The following IL1RAPL2 variants were observed in gnomAD, a reference collection of about 807,000 sequenced individuals.
IL1RAPL2 encodes the protein X-linked interleukin-1 receptor accessory protein-like 2.
A neutral mutation model predicts 44.1 loss-of-function variants in IL1RAPL2; 3 were observed. The observed-to-expected ratio is 0.07, with a 90% CI of 0.03 to 0.18. The LOEUF (loss-of-function observed/expected upper bound fraction) is 0.18. IL1RAPL2 is among the 10% of genes least tolerant of loss of function. The pLI is 1.00. For synonymous variants in IL1RAPL2, 181 were observed against 178.8 expected (o/e 1.01, Z -0.10); for missense variants, 391 against 496.4 (o/e 0.79, Z 2.02).
intron 6 of IL1RAPL2, among the ~76,000 whole-genome samples, chrX:105,633,743 A>T (rs2037506028): frequency 9.0e-6 from 1 of 111,301 alleles, no homozygotes; most frequent in African/African-American, 3.3e-5. Context: ...ATATATACAC[A>T]CACTCATGCA....
chrX:104,690,474 T>C (rs184390062), intron 2 of IL1RAPL2, among the ~76,000 whole-genome samples: 60 of 112,488 alleles, frequency 5.3e-4, no homozygotes, highest in African/African-American at 1.8e-3. Flanking sequence ...ACTAGCTCTA[T>C]TCTTATCCCA....
chrX:105,249,725 A>C, intron 4 of IL1RAPL2, among the ~76,000 whole-genome samples: 1 of 111,902 alleles, frequency 8.9e-6, no homozygotes, highest in Non-Finnish European at 1.9e-5. Context: ...GATGTGTAGC[A>C]ACAGGAAGAA....
At chrX:104,956,151 A>C (rs1925705153) in intron 2 of IL1RAPL2, among the ~76,000 whole-genome samples, 2 of 111,794 alleles carry the variant, frequency 1.8e-5, no homozygotes, top group African/African-American at 6.5e-5. Context: ...GGTGTAGAGG[A>C]GAGTCCTCCT....
chrX:104,668,307 T>TTTTTTATTTTTA (rs200698131), intron 2 of IL1RAPL2, among the ~76,000 whole-genome samples: 1 of 108,510 alleles, frequency 9.2e-6, no homozygotes, highest in African/African-American at 3.4e-5. Flanking sequence ...CTAGTGTTTC[T>TTTTTTATTTTTA]TTTTTATTTT....
At chrX:104,716,273 G>T (rs1288872734) in intron 2 of IL1RAPL2, among the ~76,000 whole-genome samples, 1 of 111,110 alleles carries the variant, frequency 9.0e-6, no homozygotes, top group Non-Finnish European at 1.9e-5. Flanking sequence ...CACATACAAA[G>T]ATTAACTAAG....
chrX:105,605,273 A>G (rs983687342), intron 6 of IL1RAPL2, among the ~76,000 whole-genome samples: 5 of 111,711 alleles, frequency 4.5e-5, no homozygotes, highest in African/African-American at 9.7e-5. Context: ...TACAATATCA[A>G]CTTACAAAAA....
At chrX:104,729,277 T>G (rs1051536476) in intron 2 of IL1RAPL2, among the ~76,000 whole-genome samples, 1 of 110,954 alleles carries the variant, frequency 9.0e-6, no homozygotes, top group African/African-American at 3.3e-5. Flanking sequence ...CAAAAATTTT[T>G]TAACAAAATT....
chrX:105,262,053 G>A (rs757061222), intron 4 of IL1RAPL2, among the ~76,000 whole-genome samples: 47 of 112,024 alleles, frequency 4.2e-4, no homozygotes, highest in African/African-American at 1.4e-3. Flanking sequence ...AGCTAGAAAA[G>A]GGTAAAGAGT....
intron 1 of IL1RAPL2, among the ~76,000 whole-genome samples, chrX:104,657,599 C>T (rs1930295382): frequency 8.9e-6 from 1 of 111,754 alleles, no homozygotes. Context: ...AAAGCAATGG[C>T]AACAAAGCCA....
At chrX:105,223,762 T>C (rs1050227920) in intron 3 of IL1RAPL2, among the ~76,000 whole-genome samples, 4 of 111,327 alleles carry the variant, frequency 3.6e-5, no homozygotes, top group African/African-American at 1.3e-4. Flanking sequence ...TGTTAACCAA[T>C]TGTATTAATA....
intron 5 of IL1RAPL2, among the ~76,000 whole-genome samples, chrX:105,342,684 AACAG>A (rs1298726291): frequency 2.7e-5 from 3 of 112,334 alleles, no homozygotes; most frequent in Non-Finnish European, 5.6e-5. Flanking sequence ...TGTTAATCAA[AACAG>A]ACAGGATGTA....
Position 105,141,274 on chromosome X carries a change from A to G in IL1RAPL2, c.83-54201A>G, listed in dbSNP as rs764590443. ...GAGTATTTGAAGCCCACAGGTGAAC[A>G]TTAGTTTAGAAAGCTTCAAGCATTG... On this transcript the variant is annotated intron_variant, in intron 2 of 10. Coordinates refer to ENST00000372582, the MANE Select transcript of IL1RAPL2 (RefSeq NM_017416.2). Among the ~76,000 whole-genome samples the G allele has an allele frequency of 8.1e-5, 9 of 110,791 alleles. No homozygotes were observed. The East Asian group carries it at 2.6e-3, about 32-fold the overall frequency.
At chrX:105,108,075 C>T (rs899503600) in intron 2 of IL1RAPL2, among the ~76,000 whole-genome samples, 5 of 110,975 alleles carry the variant, frequency 4.5e-5, no homozygotes, top group Non-Finnish European at 9.4e-5. Flanking sequence ...TACCACTCTA[C>T]CCTCCCTAAA....
chrX:105,136,184 AT>A (rs764482207), intron 2 of IL1RAPL2, among the ~76,000 whole-genome samples: 162 of 110,866 alleles, frequency 1.5e-3, no homozygotes, highest in African/African-American at 4.9e-3. Context: ...GTCTAGGTTA[AT>A]TTTTTTTTAT....
intron 2 of IL1RAPL2, among the ~76,000 whole-genome samples, chrX:104,934,004 A>G (rs1315040616): frequency 8.9e-6 from 1 of 112,185 alleles, no homozygotes; most frequent in African/African-American, 3.2e-5. Flanking sequence ...GAAAGAACAC[A>G]TTTATAAAAA....
At chrX:104,843,347 G>T (rs755478908) in intron 2 of IL1RAPL2, among the ~76,000 whole-genome samples, 4 of 111,570 alleles carry the variant, frequency 3.6e-5, no homozygotes, top group Admixed American at 9.5e-5. Flanking sequence ...GGGCTCTGTG[G>T]GAGCGGGACC....
intron 2 of IL1RAPL2, among the ~76,000 whole-genome samples, chrX:104,845,177 T>G: frequency 8.9e-6 from 1 of 112,354 alleles, no homozygotes; most frequent in Admixed American, 9.5e-5. Flanking sequence ...CATCTCATAC[T>G]TATCATGTGT....
intron 6 of IL1RAPL2, among the ~76,000 whole-genome samples, chrX:105,607,435 A>C (rs2037302050): frequency 9.3e-6 from 1 of 107,957 alleles, no homozygotes; most frequent in African/African-American, 3.4e-5. Context: ...CCAATACATT[A>C]AATTCTAATG....
At chrX:105,165,899 GCTCCCAAGACAC>G (rs1224108774) in intron 2 of IL1RAPL2, among the ~76,000 whole-genome samples, 2 of 111,232 alleles carry the variant, frequency 1.8e-5, no homozygotes, top group Non-Finnish European at 3.8e-5. Flanking sequence ...TGGCTCAGTA[GCTCCCAAGACAC>G]CTCATTCTTT....
Sources: gnomAD v4.1 joint callset for allele counts (sites outside exome capture counted in the v4.1 genomes callset) on GRCh38, gnomAD v4.1.1 for gene constraint, MANE v1.5 for transcripts, NCBI Gene and HGNC (gene_info 2026-07-23, HGNC 2026-07-21) for gene names.